CLMN: variants seen among roughly 807,000 people sequenced by gnomAD.
CLMN encodes the protein calmin.
A neutral mutation model predicts 92.7 loss-of-function variants in CLMN; 57 were observed. That is an observed-to-expected ratio of 0.61 (90% CI 0.50 to 0.77). CLMN has a LOEUF of 0.77. Among genes scored for constraint, CLMN ranks in the 30% least tolerant of loss-of-function variants. CLMN has a pLI of 0.00. For missense variants in CLMN, 1,158 were observed against 1,237.5 expected, an observed-to-expected ratio of 0.94 and a Z score of 0.96; for synonymous variants, 466 against 470.6, an observed-to-expected ratio of 0.99 and a Z score of 0.13.
Position 95,203,933 on chromosome 14 carries a change from C to T in CLMN, c.1416G>A (p.Lys472=), listed in dbSNP as rs1896965999. 6.2e-7 allele frequency: 1 copy of T among 1,614,054 alleles called. No homozygotes were observed. Residue 472 remains lysine, a synonymous_variant, in exon 9 of 13, where the codon AAG becomes AAA. Transcript: ENST00000298912. ...TCTTCGAGGATTCCTGTTTCTGTTC[C>T]TTTTCCTCAGCAACCTCAACTGCCA... ...HVLAVEVAEE[K]EQKQESSKIP...
rs150177799 is a variant in CLMN at position 95,298,756 on chromosome 14, G to A, written c.82+20955C>T. On this transcript the variant is annotated intron_variant, in intron 1 of 12. Transcript: ENST00000298912. ...AAGTGACCGTGAAATGGAGACAGGT[G>A]CACATAAATAAGCATATTTAACCTA... 1.4e-4 allele frequency among the ~76,000 whole-genome samples: 22 copies of A among 152,308 alleles called. No homozygotes were observed. In the East Asian group the frequency reaches 3.5e-3, roughly 24 times the overall value.
intron 1 of CLMN, among the ~76,000 whole-genome samples, chr14:95,254,704 T>C (rs1898925350): frequency 6.6e-6 from 1 of 152,192 alleles, no homozygotes; most frequent in South Asian, 2.1e-4. Context: ...AGGATCTTTT[T>C]AAAATTTTTT....
intron 1 of CLMN, among the ~76,000 whole-genome samples, chr14:95,297,815 A>G (rs927985405): frequency 1.7e-4 from 10 of 59,602 alleles, no homozygotes; most frequent in East Asian, 1.3e-3. Flanking sequence ...TGGCAGGCAC[A>G]CACACACACA....
intron 1 of CLMN, among the ~76,000 whole-genome samples, chr14:95,257,885 A>G (rs753183473): frequency 2.0e-5 from 3 of 152,204 alleles, no homozygotes; most frequent in Non-Finnish European, 2.9e-5. Flanking sequence ...AGGAGGCCTC[A>G]TTTCCCGCTT....
At chr14:95,224,934 G>A (rs1373850466) in intron 2 of CLMN, among the ~76,000 whole-genome samples, 3 of 152,184 alleles carry the variant, frequency 2.0e-5, no homozygotes, top group Admixed American at 1.3e-4. Context: ...ACTTGGCTAG[G>A]AGAGCAGGTG....
At chr14:95,235,935 T>A (rs1382980015) in intron 1 of CLMN, among the ~76,000 whole-genome samples, 1 of 152,130 alleles carries the variant, frequency 6.6e-6, no homozygotes, top group Non-Finnish European at 1.5e-5. Context: ...ATGGGTGAGC[T>A]GCAGCACAGC....
At chr14:95,193,822 C>A in intron 12 of CLMN, 27 bp downstream of exon 12, 2 of 1,611,984 alleles carry the variant, frequency 1.2e-6, no homozygotes, top group Admixed American at 1.7e-5. Flanking sequence ...TTACTACCCC[C>A]ACAAAACCTG....
chr14:95,251,129 G>A (rs1199362639), intron 1 of CLMN, among the ~76,000 whole-genome samples: 3 of 152,170 alleles, frequency 2.0e-5, no homozygotes. Context: ...TGCACTCAAT[G>A]ATCTCATGTG....
intron 1 of CLMN, among the ~76,000 whole-genome samples, chr14:95,257,238 G>A (rs78746254): frequency 6.6e-6 from 1 of 152,132 alleles, no homozygotes; most frequent in Non-Finnish European, 1.5e-5. Context: ...TCGAAACAAC[G>A]GTCGAGAGCC....
intron 1 of CLMN, among the ~76,000 whole-genome samples, chr14:95,235,089 C>A (rs1021660464): frequency 1.3e-5 from 2 of 151,678 alleles, no homozygotes; most frequent in Admixed American, 6.6e-5. Flanking sequence ...TTTCATTATG[C>A]CCAGAGAAAA....
chr14:95,287,007 C>A (rs1900369577), intron 1 of CLMN, among the ~76,000 whole-genome samples: 1 of 152,218 alleles, frequency 6.6e-6, no homozygotes, highest in South Asian at 2.1e-4. Flanking sequence ...ACGTGAGCTG[C>A]CTCCCAGGTC....
chr14:95,207,958 T>C (rs1471384075), intron 8 of CLMN, among the ~76,000 whole-genome samples: 1 of 152,140 alleles, frequency 6.6e-6, no homozygotes, highest in African/African-American at 2.4e-5. Flanking sequence ...CATAGCTGAG[T>C]GACTATGGAG....
chr14:95,254,175 A>G (rs1345993496), intron 1 of CLMN, among the ~76,000 whole-genome samples: 1 of 151,994 alleles, frequency 6.6e-6, no homozygotes, highest in Admixed American at 6.5e-5. Context: ...TTTCTCACCC[A>G]TCGTGCAGTT....
intron 9 of CLMN, among the ~76,000 whole-genome samples, chr14:95,202,227 C>T (rs1896905159): frequency 6.6e-6 from 1 of 152,200 alleles, no homozygotes; most frequent in African/African-American, 2.4e-5. Flanking sequence ...CCTACTTCTC[C>T]ACAGCCTCGC....
At chr14:95,270,761 ATGCTGCTATAAACAT>A (rs1404165487) in intron 1 of CLMN, among the ~76,000 whole-genome samples, 4 of 152,234 alleles carry the variant, frequency 2.6e-5, no homozygotes, top group Non-Finnish European at 5.9e-5. Flanking sequence ...TAATTCTGCC[ATGCTGCTATAAACAT>A]TTGCATTCAT....
intron 1 of CLMN, among the ~76,000 whole-genome samples, chr14:95,293,882 G>A (rs1046738512): frequency 6.6e-6 from 1 of 152,166 alleles, no homozygotes; most frequent in Non-Finnish European, 1.5e-5. Context: ...TACGGAATGA[G>A]GCAACATGAA....
In CLMN at chr14:95,203,159, T is replaced by A; in HGVS notation, c.2190A>T (p.Pro730=). 6.2e-7 allele frequency: 1 copy of A among 1,612,496 alleles called. No individual in the cohort carries two copies. Among genetic ancestry groups the A allele is most frequent in the Non-Finnish European group, 8.5e-7 (1 of 1,179,946 alleles). The change falls in exon 9 of 13, where the codon CCA becomes CCT. Residue 730 remains proline (P), a synonymous_variant. Transcript: ENST00000298912. ...SVIPHDLFYF[P]HYEVPLAAVL... ...CTGCAGCCAGGGGAACCTCATAGTG[T>A]GGGAAATAGAAGAGGTCGTGGGGAA...
At chr14:95,212,914 T>C (rs1897237947) in intron 6 of CLMN, among the ~76,000 whole-genome samples, 1 of 151,536 alleles carries the variant, frequency 6.6e-6, no homozygotes, top group Admixed American at 6.6e-5. Flanking sequence ...GCCTCCCGAG[T>C]AGCTGGGACT....
At chr14:95,234,671 C>T (rs1897995139) in intron 1 of CLMN, among the ~76,000 whole-genome samples, 1 of 152,182 alleles carries the variant, frequency 6.6e-6, no homozygotes, top group Non-Finnish European at 1.5e-5. Flanking sequence ...CAGGCCTGGA[C>T]TCCAGGGGCC....
Sources: gnomAD v4.1 joint callset for allele counts (sites outside exome capture counted in the v4.1 genomes callset) on GRCh38, gnomAD v4.1.1 for gene constraint, MANE v1.5 for transcripts, NCBI Gene and HGNC (gene_info 2026-07-23, HGNC 2026-07-21) for gene names.